RNF216: variants seen among roughly 807,000 people sequenced by gnomAD.
RNF216 encodes ring finger protein 216.
A neutral mutation model predicts 110.8 loss-of-function variants in RNF216; 72 were observed. That is an observed-to-expected ratio of 0.65 (90% CI 0.54 to 0.79). RNF216 has a LOEUF of 0.79. Ranked by LOEUF, RNF216 falls within the 30% of genes least tolerant of loss-of-function variation. RNF216 has a pLI of 0.00. For missense variants in RNF216, 1,342 were observed against 1,141.2 expected (o/e 1.18, Z -2.54); for synonymous variants, 495 against 407.5 (o/e 1.21, Z -2.59).
chr7:5,777,957 G>A (rs572972791), intron 1 of RNF216, among the ~76,000 whole-genome samples: 1 of 152,316 alleles, frequency 6.6e-6, no homozygotes, highest in East Asian at 1.9e-4. Flanking sequence ...CATGTGTGGA[G>A]GGTAAAATCA....
intron 1 of RNF216, among the ~76,000 whole-genome samples, chr7:5,763,800 C>T (rs896329973): frequency 3.2e-4 from 48 of 152,222 alleles, no homozygotes; most frequent in Admixed American, 2.8e-3. Context: ...TTGGATATCC[C>T]GGTCTCAAGC....
At chr7:5,738,926 C>T (rs1260607447) in intron 5 of RNF216, among the ~76,000 whole-genome samples, 1 of 152,008 alleles carries the variant, frequency 6.6e-6, no homozygotes, top group Admixed American at 6.6e-5. Flanking sequence ...AATGTCAGAA[C>T]GAACAAGGTC....
intron 6 of RNF216, among the ~76,000 whole-genome samples, chr7:5,730,061 C>T (rs957486978): frequency 1.3e-5 from 2 of 152,304 alleles, no homozygotes; most frequent in South Asian, 2.1e-4. Flanking sequence ...AAACTGTTTA[C>T]ATCTTGATAT....
chr7:5,697,116 C>T (rs1001773736), intron 13 of RNF216, among the ~76,000 whole-genome samples: 1 of 152,206 alleles, frequency 6.6e-6, no homozygotes, highest in Non-Finnish European at 1.5e-5. Flanking sequence ...TCTGGACACA[C>T]CTGTCTACTT....
At chr7:5,759,117 C>A (rs1208012621) in intron 2 of RNF216, among the ~76,000 whole-genome samples, 1 of 152,152 alleles carries the variant, frequency 6.6e-6, no homozygotes, top group Non-Finnish European at 1.5e-5. Context: ...TGTGGCACCT[C>A]TTCCCCAACC....
chr7:5,770,419 C>T (rs928658394), intron 1 of RNF216, among the ~76,000 whole-genome samples: 1 of 151,616 alleles, frequency 6.6e-6, no homozygotes, highest in African/African-American at 2.4e-5. Flanking sequence ...CGAGATCATG[C>T]CAATGCACTC....
At chr7:5,691,617 G>T (rs1791345539) in intron 13 of RNF216, among the ~76,000 whole-genome samples, 1 of 152,164 alleles carries the variant, frequency 6.6e-6, no homozygotes, top group South Asian at 2.1e-4. Context: ...TCTCCTTAGG[G>T]GCAACATGTA....
At chr7:5,693,194 G>A (rs1330917972) in intron 13 of RNF216, among the ~76,000 whole-genome samples, 1 of 152,230 alleles carries the variant, frequency 6.6e-6, no homozygotes, top group African/African-American at 2.4e-5. Flanking sequence ...CTGGGACACA[G>A]CCACATTCAT....
At chr7:5,707,625 C>T (rs1489486114) in intron 13 of RNF216, among the ~76,000 whole-genome samples, 2 of 150,962 alleles carry the variant, frequency 1.3e-5, no homozygotes, top group Non-Finnish European at 2.9e-5. Flanking sequence ...CTAGCTAGGG[C>T]TTCCAGTGTT....
At chr7:5,674,523 G>A (rs1008688907) in intron 13 of RNF216, among the ~76,000 whole-genome samples, 3 of 151,958 alleles carry the variant, frequency 2.0e-5, no homozygotes, top group African/African-American at 4.8e-5. Context: ...AGCTAATCGG[G>A]AGGCCAAGGT....
intron 13 of RNF216, among the ~76,000 whole-genome samples, chr7:5,685,582 G>A (rs1790925488): frequency 6.6e-6 from 1 of 152,160 alleles, no homozygotes; most frequent in Admixed American, 6.5e-5. Flanking sequence ...TCAGCAAACT[G>A]AAAAGACAAA....
At chr7:5,651,891 C>T (rs942602459) in intron 14 of RNF216, among the ~76,000 whole-genome samples, 1 of 152,198 alleles carries the variant, frequency 6.6e-6, no homozygotes, top group African/African-American at 2.4e-5. Flanking sequence ...TCGTGATCCG[C>T]CAGCCTCGGC....
intron 5 of RNF216, among the ~76,000 whole-genome samples, chr7:5,738,707 CAAAAAAAAAAAAAA>C (rs71004696): frequency 2.9e-5 from 2 of 70,126 alleles, no homozygotes; most frequent in Admixed American, 1.9e-4. Context: ...GACTCCGTCT[CAAAAAAAAAAAAAA>C]AAAAAAAAAA....
rs58579662 is a variant in RNF216, at chr7:5,758,306, GAATAC to G, written c.67+2692_67+2696del. The stretch of plus-strand genomic sequence containing the variant: ...TATGGCTACAATCACTACCAAGTTA[GAATAC>G]ATTATTAATAAAATCCTAAAAATGA... On this transcript the variant is annotated intron_variant, in intron 2 of 16. Coordinates refer to ENST00000389902, the MANE Select transcript of RNF216 (RefSeq NM_207111.4). 1.7e-4 allele frequency among the ~76,000 whole-genome samples: 26 copies of G among 152,280 alleles called. No homozygotes were observed. The East Asian group carries it at 4.0e-3, about 24-fold the overall frequency.
intron 13 of RNF216, among the ~76,000 whole-genome samples, chr7:5,659,035 T>TGAG (rs1401496308): frequency 6.6e-6 from 1 of 151,756 alleles, no homozygotes; most frequent in Non-Finnish European, 1.5e-5. Context: ...GAGATGAGGG[T>TGAG]GAGAGAGAAG....
At chr7:5,669,784 C>A (rs1054895252) in intron 13 of RNF216, among the ~76,000 whole-genome samples, 1 of 152,062 alleles carries the variant, frequency 6.6e-6, no homozygotes, top group Admixed American at 6.5e-5. Context: ...CCAAGCTACT[C>A]GGGAGGCCGA....
intron 3 of RNF216, 120 bp downstream of exon 3, chr7:5,752,726 G>T: frequency 1.1e-6 from 1 of 911,498 alleles, no homozygotes; most frequent in East Asian, 2.6e-5. Context: ...GAATGGAAAA[G>T]GGGCTGTTCT....
chr7:5,734,159 G>A (rs1321065807), intron 5 of RNF216, among the ~76,000 whole-genome samples: 2 of 152,168 alleles, frequency 1.3e-5, no homozygotes, highest in Non-Finnish European at 2.9e-5. Context: ...CAGGAGACAA[G>A]CAGGAGAATG....
At chr7:5,729,653 G>A (rs1481141976) in intron 6 of RNF216, 57 bp from the exon 7 acceptor site, 6 of 1,403,948 alleles carry the variant, frequency 4.3e-6, no homozygotes, top group Non-Finnish European at 6.0e-6. Flanking sequence ...CCCATACAGG[G>A]GAAATCATTT....
Sources: allele counts gnomAD v4.1 joint callset (sites outside exome capture counted in the v4.1 genomes callset), GRCh38; gene constraint gnomAD v4.1.1; transcripts MANE v1.5; gene names NCBI Gene and HGNC (gene_info 2026-07-23, HGNC 2026-07-21).